TTLL1: variants seen among roughly 807,000 people sequenced by gnomAD.
TTLL1 encodes the protein TTL family tubulin polyglutamylase complex subunit L1.
TTLL1 carries 33 observed loss-of-function variants against 47.8 expected under a neutral mutation model. That is an observed-to-expected ratio of 0.69 (90% confidence interval 0.52 to 0.92). The LOEUF (loss-of-function observed/expected upper bound fraction) is 0.92. TTLL1 is among the 40% of genes least tolerant of loss of function. The pLI is 0.00. For synonymous variants in TTLL1, 225 were observed against 214.1 expected (o/e 1.05, Z -0.45); for missense variants, 488 against 547.5 (o/e 0.89, Z 1.08).
intron 9 of TTLL1, among the ~76,000 whole-genome samples, chr22:43,047,117 G>A (rs1454335931): frequency 1.3e-5 from 2 of 152,126 alleles, no homozygotes; most frequent in Non-Finnish European, 2.9e-5. Flanking sequence ...ATCAGCGATC[G>A]CACAAACATT....
rs1441289070 is a variant in TTLL1 at position 43,063,473 on chromosome 22, T to C, written c.747+340A>G. Among the ~76,000 whole-genome samples, 3 of 151,870 alleles carry C rather than the reference T, an allele frequency of 2.0e-5. No individual in the cohort carries two copies. The East Asian group carries it at 5.8e-4, about 29-fold the overall frequency. On this transcript the variant is annotated intron_variant, in intron 7 of 10. Coordinates refer to ENST00000266254, the MANE Select transcript of TTLL1 (RefSeq NM_012263.5). ...CCACAAAGTCGGTCCTTTTTTTTTTTTTTTTCTTTTGAGACAGAGTCTCGC... is the reference window on the plus strand; with the variant it reads ...CCACAAAGTCGGTCCTTTTTTTTTTCTTTTTCTTTTGAGACAGAGTCTCGC...
chr22:43,046,658 T>G (rs1926162135), intron 9 of TTLL1, 85 bp from the exon 10 acceptor site: 7 of 1,493,968 alleles, frequency 4.7e-6, no homozygotes, highest in Non-Finnish European at 6.4e-6. Context: ...AGATGCTGGC[T>G]GCTACACACT....
Position 43,039,734 on chromosome 22 carries a change from G to C in TTLL1, c.*42C>G, listed in dbSNP as rs746514778. ...ATTTCAAAATAGGGCTTCAGCAGGG[G>C]CCCAGGTGGAGTGAGTAGTTTTGAT... On this transcript the variant is annotated 3_prime_UTR_variant, in exon 11 of 11. Transcript: ENST00000266254. 3.2e-6 allele frequency: 5 copies of C among 1,540,464 alleles called. No homozygotes were observed. Among genetic ancestry groups the C allele is most frequent in the African/African-American group, 1.4e-5 (1 of 72,022 alleles).
In TTLL1 at chr22:43,075,574, C is replaced by T. The variant is rs763994153; in HGVS notation, c.13G>A (p.Val5Ile). Residue 5 changes from valine (V) to isoleucine (I), a missense_variant, in exon 3 of 11, where the codon GTA becomes ATA. Physicochemically the swap from Val to Ile is conservative, Grantham distance 29. Coordinates refer to ENST00000266254, the MANE Select transcript of TTLL1 (RefSeq NM_012263.5). MAGK[V>I]KWVTDIEKSV... ...TTCTCGATATCAGTGACCCATTTTA[C>T]TTTCCCTGCCATAATCCTGGAAGAG... The T allele has an allele frequency of 2.5e-6, 4 of 1,614,032 alleles. No homozygotes were observed. Among genetic ancestry groups the T allele is most frequent in the East Asian group, 4.5e-5 (2 of 44,894 alleles).
At chr22:43,055,840 G>A (rs554429103) in intron 8 of TTLL1, among the ~76,000 whole-genome samples, 2 of 152,040 alleles carry the variant, frequency 1.3e-5, no homozygotes, top group Admixed American at 6.6e-5. Context: ...AGCCTCTTTG[G>A]TTATGTTTAA....
chr22:43,066,233 G>C (rs1432559120), intron 5 of TTLL1, among the ~76,000 whole-genome samples: 1 of 151,712 alleles, frequency 6.6e-6, no homozygotes, highest in Non-Finnish European at 1.5e-5. Context: ...GGTGCATCTC[G>C]TCAGCTGGCA....
At chr22:43,077,969 G>T (rs185889934) in intron 2 of TTLL1, among the ~76,000 whole-genome samples, 1 of 151,964 alleles carries the variant, frequency 6.6e-6, no homozygotes, top group East Asian at 1.9e-4. Context: ...TTAGCTGGGC[G>T]TGGTGGCATG....
intron 5 of TTLL1, among the ~76,000 whole-genome samples, chr22:43,067,473 A>G (rs1160934150): frequency 6.6e-6 from 1 of 152,182 alleles, no homozygotes; most frequent in African/African-American, 2.4e-5. Flanking sequence ...CAGAACCACC[A>G]CGACTGAGCG....
intron 8 of TTLL1, among the ~76,000 whole-genome samples, chr22:43,056,653 C>CCA (rs1214896420): frequency 1.3e-5 from 2 of 151,464 alleles, no homozygotes; most frequent in African/African-American, 4.9e-5. Context: ...GGTATGGTGA[C>CCA]GCGCACCTGT....
At chr22:43,070,324 G>T in intron 3 of TTLL1, 1 of 660,640 alleles carries the variant, frequency 1.5e-6, no homozygotes, top group Non-Finnish European at 2.4e-6. Flanking sequence ...GAAGGGGCAA[G>T]TTGGGGACGA....
intron 3 of TTLL1, among the ~76,000 whole-genome samples, chr22:43,075,229 C>T (rs1179690114): frequency 1.3e-5 from 2 of 152,138 alleles, no homozygotes; most frequent in Non-Finnish European, 2.9e-5. Context: ...TGTTTCTCAC[C>T]CAAACTCCCC....
At chr22:43,062,082 T>C (rs1927419861) in intron 7 of TTLL1, among the ~76,000 whole-genome samples, 1 of 152,180 alleles carries the variant, frequency 6.6e-6, no homozygotes, top group South Asian at 2.1e-4. Flanking sequence ...TGCCTATCAC[T>C]GTGTCCTGGG....
Position 43,063,874 on chromosome 22 carries a change from C to A in TTLL1, c.686G>T (p.Ser229Ile), listed in dbSNP as rs1370787047. 1 of 1,614,122 alleles carries A rather than the reference C, an allele frequency of 6.2e-7. No homozygotes were observed. The highest frequency in any genetic ancestry group is 2.2e-5 in the East Asian group (1 of 44,886). ...CRFCTVKYTP[S>I]TSELDNMFVH... ...GAACATGTTGTCCAGCTCACTGGTACTCGGGGTGTATTTCACTGTGCAGAA... is the reference window on the plus strand; with the variant it reads ...GAACATGTTGTCCAGCTCACTGGTAATCGGGGTGTATTTCACTGTGCAGAA... The change falls in exon 7 of 11, where the codon AGT (serine) becomes ATT (isoleucine). Residue 229 changes from serine to isoleucine, a missense_variant. Physicochemically the swap from Ser to Ile is moderately radical, Grantham distance 142. Transcript: ENST00000266254.
chr22:43,070,834 G>C (rs1249398735), intron 3 of TTLL1, among the ~76,000 whole-genome samples: 1 of 152,036 alleles, frequency 6.6e-6, no homozygotes, highest in Non-Finnish European at 1.5e-5. Context: ...TTCTCTAACG[G>C]TTCAAGACTC....
Position 43,076,963 on chromosome 22 carries a change from C to T in TTLL1, c.-4-1373G>A, listed in dbSNP as rs934787603. ...AAAAATACAAAAAATTAGCCGGGTG[C>T]GGTGGCAGGCGCCTGTAGTCCCAGC... On this transcript the variant is annotated intron_variant, in intron 2 of 10. Transcript: ENST00000266254. Among the ~76,000 whole-genome samples the T allele has an allele frequency of 5.3e-4, 77 of 146,072 alleles. No individual in the cohort carries two copies. The Middle Eastern group carries it at 0.011, about 22-fold the overall frequency.
intron 1 of TTLL1, 79 bp downstream of exon 1, chr22:43,089,198 A>G (rs967545578): frequency 6.6e-6 from 1 of 151,920 alleles, no homozygotes; most frequent in African/African-American, 2.4e-5. Flanking sequence ...ACACTCTCTC[A>G]CCCATGCGCA....
intron 3 of TTLL1, among the ~76,000 whole-genome samples, chr22:43,073,775 T>C (rs781170696): frequency 1.3e-5 from 2 of 151,916 alleles, no homozygotes; most frequent in African/African-American, 2.4e-5. Context: ...TCTGTAAACC[T>C]GATTGTACAT....
In TTLL1 at chr22:43,067,117, C is replaced by T. The variant is rs116518284; in HGVS notation, c.503+1293G>A. ...ACAGAAGCTTTGCCCCGGTGGGCCC[C>T]GGGCACTTCTGAGCAGCTGAGAAAA... On this transcript the variant is annotated intron_variant, in intron 5 of 10. Coordinates refer to ENST00000266254, the MANE Select transcript of TTLL1 (RefSeq NM_012263.5). Among the ~76,000 whole-genome samples the T allele has an allele frequency of 4.9e-3, 746 of 152,322 alleles. 8 individuals carry two copies. The highest frequency in any genetic ancestry group is 0.017 in the African/African-American group (717 of 41,578).
At chr22:43,051,918 G>C in intron 8 of TTLL1, 31 bp from the exon 9 acceptor site, 3 of 1,607,410 alleles carry the variant, frequency 1.9e-6, no homozygotes, top group Middle Eastern at 3.3e-4. Context: ...GGGTGACATG[G>C]CCAGCATCGA....
Sources: allele counts gnomAD v4.1 joint callset (sites outside exome capture counted in the v4.1 genomes callset), GRCh38; gene constraint gnomAD v4.1.1; transcripts MANE v1.5; gene names NCBI Gene and HGNC (gene_info 2026-07-23, HGNC 2026-07-21).